EPB41L4B: variants seen among roughly 807,000 people sequenced by gnomAD.
EPB41L4B encodes erythrocyte membrane protein band 4.1 like 4B, also known as band 4.1-like protein 4B.
EPB41L4B carries 30 observed loss-of-function variants against 112.5 expected under a neutral mutation model. The observed-to-expected ratio is 0.27, with a 90% CI of 0.20 to 0.36. The LOEUF (loss-of-function observed/expected upper bound fraction) is 0.36, where lower values mean the gene tolerates loss of function less well. EPB41L4B is among the 10% of genes least tolerant of loss of function. EPB41L4B has a pLI of 1.00. For synonymous variants in EPB41L4B, 408 were observed against 439.7 expected, an observed-to-expected ratio of 0.93 and a Z score of 0.90; for missense variants, 1,024 against 1,133.3, an observed-to-expected ratio of 0.90 and a Z score of 1.38.
chr9:109,172,377 C>T lies in EPB41L4B; in HGVS notation c.*2177G>A, dbSNP rs1351105288. Reference sequence around the variant, plus strand: ...GTGACAGCCCCATATTGTACGGGAACATATTTTGTATCATGTGCACAAGAT... The same window carrying T: ...GTGACAGCCCCATATTGTACGGGAATATATTTTGTATCATGTGCACAAGAT... On this transcript the variant is annotated 3_prime_UTR_variant, in exon 26 of 26. Transcript: ENST00000374566. 6.6e-6 allele frequency: 1 copy of T among 152,156 alleles called. No homozygotes were observed. The highest frequency in any genetic ancestry group is 1.5e-5 in the Non-Finnish European group (1 of 68,038). 9.4% of individuals were successfully genotyped at this position (152,156 alleles called of 1,614,324 possible).
chr9:109,215,845 C>G (rs1300614927), intron 16 of EPB41L4B, among the ~76,000 whole-genome samples: 1 of 152,150 alleles, frequency 6.6e-6, no homozygotes, highest in Non-Finnish European at 1.5e-5. Flanking sequence ...TATTTCTGGG[C>G]TGGGTATGGT....
chr9:109,253,154 G>A (rs1834856057), intron 12 of EPB41L4B, among the ~76,000 whole-genome samples: 1 of 152,202 alleles, frequency 6.6e-6, no homozygotes. Flanking sequence ...ATATTCCTGA[G>A]GTACCGGGGC....
intron 6 of EPB41L4B, 87 bp downstream of exon 6, chr9:109,262,963 A>C (rs1835271220): frequency 1.1e-6 from 1 of 919,932 alleles, no homozygotes; most frequent in African/African-American, 1.7e-5. Flanking sequence ...AAAGCTAAGC[A>C]CTGGGCCTGG....
At chr9:109,240,651 C>T in intron 15 of EPB41L4B, 1 of 985,438 alleles carries the variant, frequency 1.0e-6, no homozygotes, top group African/African-American at 1.7e-5. Context: ...GTTCTACCAA[C>T]AGACTAGGGC....
intron 20 of EPB41L4B, among the ~76,000 whole-genome samples, chr9:109,197,466 G>A (rs1169249637): frequency 2.0e-5 from 3 of 151,724 alleles, no homozygotes; most frequent in Non-Finnish European, 4.4e-5. Context: ...GGGCAAATGA[G>A]CGGTAGCCAG....
At chr9:109,218,977 T>C (rs1030854280) in intron 15 of EPB41L4B, among the ~76,000 whole-genome samples, 1 of 152,092 alleles carries the variant, frequency 6.6e-6, no homozygotes, top group Admixed American at 6.5e-5. Context: ...TAGAACAAAC[T>C]GCTAAGAAAA....
rs368115771 is a variant in EPB41L4B, at chr9:109,255,784, T to C, written c.989A>G (p.Asp330Gly). 6.2e-7 allele frequency: 1 copy of C among 1,613,776 alleles called. No individual in the cohort carries two copies. Among genetic ancestry groups the C allele is most frequent in the African/African-American group, 1.3e-5 (1 of 74,912 alleles). The change falls in exon 10 of 26, where the codon GAT (aspartate) becomes GGT (glycine). Residue 330 changes from aspartate (D) to glycine (G), a missense_variant. Transcript: ENST00000374566. The part of the protein sequence containing the change: ...KSKLTLVVVE[D>G]DDQGREQEHT... ...GGGAGCCAGGCCTACCTGATCATCA[T>C]CCTCGACCACCACGAGTGTCAATTT... is the stretch of plus-strand genomic sequence containing the variant.
chr9:109,241,294 G>T (rs1048378926), intron 15 of EPB41L4B: 2 of 1,001,820 alleles, frequency 2.0e-6, no homozygotes, highest in African/African-American at 3.5e-5. Flanking sequence ...CAACTTCTAC[G>T]ACAGGAATAT....
chr9:109,260,930 G>T (rs188417313), intron 6 of EPB41L4B, among the ~76,000 whole-genome samples: 5 of 152,238 alleles, frequency 3.3e-5, no homozygotes, highest in African/African-American at 1.2e-4. Context: ...TCAGGACAAC[G>T]TACAAGCTTG....
At position 109,185,902 on chromosome 9, in the gene EPB41L4B, G is replaced by A. The variant is rs145798273; in HGVS notation, c.2302-297C>T. 6.5e-3 allele frequency among the ~76,000 whole-genome samples: 984 copies of A among 151,526 alleles called. 9 individuals are homozygous for A. Among genetic ancestry groups the A allele is most frequent in the Non-Finnish European group, 0.011 (764 of 67,952 alleles). The stretch of plus-strand genomic sequence containing the variant: ...AAGACCCCATTCCCAGGCCTGGTAG[G>A]TAGAGGCTATCTCCTGTGCCAACTG... On this transcript the variant is annotated intron_variant, in intron 22 of 25. Coordinates refer to ENST00000374566, the MANE Select transcript of EPB41L4B (RefSeq NM_019114.5).
rs187581121 is a variant in EPB41L4B, at chr9:109,174,544, G to A, written c.*10C>T. ...CACCATGCCATCTTCCAGGTGACAA[G>A]GGGAGAATTTCACAGTTCGGTCATC... On this transcript the variant is annotated 3_prime_UTR_variant, in exon 26 of 26. Coordinates refer to ENST00000374566, the MANE Select transcript of EPB41L4B (RefSeq NM_019114.5). The A allele has an allele frequency of 5.6e-5, 91 of 1,613,118 alleles. No homozygotes were observed. Among genetic ancestry groups the A allele is most frequent in the Non-Finnish European group, 7.7e-5 (91 of 1,179,140 alleles).
intron 1 of EPB41L4B, among the ~76,000 whole-genome samples, chr9:109,288,029 A>G (rs1836365863): frequency 6.6e-6 from 1 of 152,252 alleles, no homozygotes; most frequent in African/African-American, 2.4e-5. Context: ...TACAGTTTGA[A>G]TAACGGCGTC....
At chr9:109,198,517 C>T (rs1244621199) in intron 20 of EPB41L4B, among the ~76,000 whole-genome samples, 1 of 152,178 alleles carries the variant, frequency 6.6e-6, no homozygotes, top group Admixed American at 6.5e-5. Flanking sequence ...CTCCAAAGCC[C>T]CCATCCTTTT....
At chr9:109,206,278 G>T (rs1832990346) in intron 18 of EPB41L4B, among the ~76,000 whole-genome samples, 1 of 152,078 alleles carries the variant, frequency 6.6e-6, no homozygotes, top group African/African-American at 2.4e-5. Flanking sequence ...CTGCCTCCTG[G>T]GTTCAAACAA....
rs1417963456 is a variant in EPB41L4B, at chr9:109,173,442, A to T, written c.*1112T>A. ...TTTTTTTACAGACATTCATAGCAGC[A>T]CTATTTATAAGAGTGAAAAATTAGA... is the stretch of plus-strand genomic sequence containing the variant. On this transcript the variant is annotated 3_prime_UTR_variant, in exon 26 of 26. Coordinates refer to ENST00000374566, the MANE Select transcript of EPB41L4B (RefSeq NM_019114.5). 6.6e-6 allele frequency: 1 copy of T among 152,406 alleles called. No individual in the cohort carries two copies. The highest frequency in any genetic ancestry group is 1.5e-5 in the Non-Finnish European group (1 of 68,014). The allele number at this position is 152,406 out of a possible 1,614,324, so 9.4% of individuals were successfully genotyped here.
chr9:109,237,936 A>G (rs1407343510), intron 15 of EPB41L4B, among the ~76,000 whole-genome samples: 2 of 152,004 alleles, frequency 1.3e-5, no homozygotes, highest in Admixed American at 6.6e-5. Flanking sequence ...CTGGTTAGCA[A>G]TTAGATTTCA....
At position 109,245,988 on chromosome 9, in the gene EPB41L4B, C is replaced by T. The variant is rs145107863; in HGVS notation, c.1344+1768G>A. 4.1e-4 allele frequency among the ~76,000 whole-genome samples: 63 copies of T among 152,348 alleles called. 1 individual carries two copies. The East Asian group carries it at 0.011, about 27-fold the overall frequency. On this transcript the variant is annotated intron_variant, in intron 14 of 25. Coordinates refer to ENST00000374566, the MANE Select transcript of EPB41L4B (RefSeq NM_019114.5). ...GCACAGGCAGTGCTCAGCTGCTTTG[C>T]TTTTCTAAAATTTTTCTCTCCTTCA... is the stretch of plus-strand genomic sequence containing the variant.
intron 2 of EPB41L4B, among the ~76,000 whole-genome samples, chr9:109,275,830 C>A (rs994251503): frequency 6.6e-6 from 1 of 152,042 alleles, no homozygotes. Flanking sequence ...GTGCTATTCA[C>A]TAAATGACTT....
chr9:109,215,481 C>T (rs77961208), intron 16 of EPB41L4B, among the ~76,000 whole-genome samples: 12,272 of 151,928 alleles, frequency 0.081, 685 homozygotes, highest in African/African-American at 0.15. Context: ...GGTTTCACCA[C>T]GTTGGCCAGG....
Sources: gnomAD v4.1 joint callset for allele counts (sites outside exome capture counted in the v4.1 genomes callset) on GRCh38, gnomAD v4.1.1 for gene constraint, MANE v1.5 for transcripts, NCBI Gene and HGNC (gene_info 2026-07-23, HGNC 2026-07-21) for gene names.